The following CTNNA3 variants were observed in gnomAD, a reference collection of about 807,000 sequenced individuals.
CTNNA3 encodes catenin alpha 3, also known as catenin alpha-3.
A neutral mutation model predicts 95.7 loss-of-function variants in CTNNA3; 76 were observed. That is an observed-to-expected ratio of 0.79 (90% confidence interval 0.66 to 0.96). The LOEUF (loss-of-function observed/expected upper bound fraction) is 0.96, where lower values mean the gene tolerates loss of function less well. Among genes scored for constraint, CTNNA3 ranks in the 40% least tolerant of loss-of-function variants. The probability of loss-of-function intolerance (pLI) is 0.00; values close to 1 mark genes in which losing one functional copy is unlikely to be tolerated. For missense variants in CTNNA3, 1,191 were observed against 1,089.8 expected (o/e 1.09, Z -1.31); for synonymous variants, 431 against 374.4 (o/e 1.15, Z -1.74).
intron 5 of CTNNA3, among the ~76,000 whole-genome samples, chr10:67,292,976 A>G (rs1390936512): frequency 6.6e-6 from 1 of 152,016 alleles, no homozygotes; most frequent in Non-Finnish European, 1.5e-5. Flanking sequence ...AGATAAATAA[A>G]CCATTCTAGT....
At chr10:66,607,992 A>G (rs1844190218) in intron 10 of CTNNA3, among the ~76,000 whole-genome samples, 1 of 152,182 alleles carries the variant, frequency 6.6e-6, no homozygotes, top group Non-Finnish European at 1.5e-5. Flanking sequence ...GTAAACAGGA[A>G]GAGGGAAAGT....
chr10:67,674,358 G>T (rs1185478673), intron 1 of CTNNA3, among the ~76,000 whole-genome samples: 1 of 152,020 alleles, frequency 6.6e-6, no homozygotes, highest in Non-Finnish European at 1.5e-5. Context: ...AACCAAACCT[G>T]CCAACACCTT....
At chr10:67,151,612 A>G (rs1247761356) in intron 7 of CTNNA3, among the ~76,000 whole-genome samples, 4 of 152,212 alleles carry the variant, frequency 2.6e-5, no homozygotes, top group Non-Finnish European at 5.9e-5. Context: ...TATGGCTTAT[A>G]TAAAGCCTGA....
intron 5 of CTNNA3, among the ~76,000 whole-genome samples, chr10:67,493,265 TAA>T (rs994635581): frequency 6.6e-6 from 1 of 151,302 alleles, no homozygotes; most frequent in African/African-American, 2.4e-5. Context: ...GCTTTTATGT[TAA>T]GAGTTTGATT....
chr10:67,541,403 T>C (rs894086889), intron 3 of CTNNA3, among the ~76,000 whole-genome samples: 3 of 151,994 alleles, frequency 2.0e-5, no homozygotes, highest in Non-Finnish European at 4.4e-5. Context: ...TTTCTTATAA[T>C]AGACAAAACT....
At chr10:66,986,527 C>T (rs10997469) in intron 7 of CTNNA3, among the ~76,000 whole-genome samples, 35,357 of 151,866 alleles carry the variant, frequency 0.23, 5,201 homozygotes, top group East Asian at 0.39. Flanking sequence ...AATAAAGTAG[C>T]AAGACCTCTG....
intron 12 of CTNNA3, among the ~76,000 whole-genome samples, chr10:66,334,638 C>T (rs144234390): frequency 0.025 from 3,837 of 152,008 alleles, 79 homozygotes; most frequent in African/African-American, 0.055. Context: ...GTGGGTAACC[C>T]GACTTTTCTC....
chr10:66,692,053 C>T (rs1046146485), intron 9 of CTNNA3, among the ~76,000 whole-genome samples: 10 of 151,468 alleles, frequency 6.6e-5, no homozygotes, highest in South Asian at 6.3e-4. Flanking sequence ...AAAAGCAGAG[C>T]GCCTCTCCTC....
At chr10:67,040,366 A>G (rs1003470264) in intron 7 of CTNNA3, among the ~76,000 whole-genome samples, 3 of 152,226 alleles carry the variant, frequency 2.0e-5, no homozygotes, top group South Asian at 4.1e-4. Context: ...GTAACTAGGT[A>G]AAGATTGTAC....
At chr10:66,155,884 G>A (rs922846132) in intron 13 of CTNNA3, among the ~76,000 whole-genome samples, 1 of 151,596 alleles carries the variant, frequency 6.6e-6, no homozygotes, top group Non-Finnish European at 1.5e-5. Context: ...ACAGTGTGAG[G>A]AGCGTTTCCC....
At chr10:67,259,253 G>T (rs1359797852) in intron 5 of CTNNA3, among the ~76,000 whole-genome samples, 2 of 152,108 alleles carry the variant, frequency 1.3e-5, no homozygotes, top group Admixed American at 1.3e-4. Flanking sequence ...TGAAACCCAA[G>T]ATAATCACTC....
chr10:66,240,922 G>A (rs969541051), intron 13 of CTNNA3, among the ~76,000 whole-genome samples: 8 of 151,946 alleles, frequency 5.3e-5, no homozygotes, highest in South Asian at 2.1e-4. Flanking sequence ...AAAAGAAACC[G>A]TTTAGTCAAG....
chr10:67,063,601 T>C (rs1855892893), intron 7 of CTNNA3, among the ~76,000 whole-genome samples: 1 of 152,220 alleles, frequency 6.6e-6, no homozygotes, highest in Non-Finnish European at 1.5e-5. Flanking sequence ...AATATCTGCC[T>C]TAGTTTTAGA....
chr10:67,308,299 T>C (rs188328589), intron 5 of CTNNA3, among the ~76,000 whole-genome samples: 10 of 152,298 alleles, frequency 6.6e-5, no homozygotes, highest in South Asian at 2.1e-4. Flanking sequence ...GGGGAAGTAA[T>C]TGAATCATGG....
intron 11 of CTNNA3, among the ~76,000 whole-genome samples, chr10:66,405,428 A>G (rs919915256): frequency 1.3e-5 from 2 of 152,216 alleles, no homozygotes; most frequent in African/African-American, 4.8e-5. Flanking sequence ...ATAGAGTGCT[A>G]AATGATTGTA....
chr10:67,085,350 G>GA (rs1857245808), intron 7 of CTNNA3, among the ~76,000 whole-genome samples: 1 of 150,332 alleles, frequency 6.7e-6, no homozygotes, highest in Admixed American at 6.6e-5. Context: ...AATAAAGTAA[G>GA]AAAAAATGAA....
chr10:67,474,761 A>C (rs968338180), intron 5 of CTNNA3, among the ~76,000 whole-genome samples: 1 of 152,220 alleles, frequency 6.6e-6, no homozygotes, highest in African/African-American at 2.4e-5. Context: ...AACATTTTTT[A>C]AAAGTCTTAC....
chr10:66,504,592 C>T (rs540600880), intron 11 of CTNNA3, among the ~76,000 whole-genome samples: 3 of 152,292 alleles, frequency 2.0e-5, no homozygotes, highest in South Asian at 2.1e-4. Context: ...TAGGTAGGAA[C>T]GTGCTGTGTG....
rs190550855 is a variant in CTNNA3, at chr10:65,999,441, C to T, written c.2160-10644G>A. ...CCCTGGGCTGATGAAAGGGAAATTA[C>T]CTCTAGTTTTAAATGCATACCTTGT... On this transcript the variant is annotated intron_variant, in intron 15 of 17. Transcript: ENST00000433211. Among the ~76,000 whole-genome samples, 1,033 of 152,216 alleles carry T rather than the reference C, an allele frequency of 6.8e-3. 12 individuals carry two copies. Among genetic ancestry groups the T allele is most frequent in the African/African-American group, 0.024 (978 of 41,542 alleles).
Sources: gnomAD v4.1 joint callset for allele counts (sites outside exome capture counted in the v4.1 genomes callset) on GRCh38, gnomAD v4.1.1 for gene constraint, MANE v1.5 for transcripts, NCBI Gene and HGNC (gene_info 2026-07-23, HGNC 2026-07-21) for gene names.